Variants in BACH2 observed in about 807,000 individuals in gnomAD.
The protein encoded by BACH2 is BACH transcriptional regulator 2, also known as transcription regulator protein BACH2.
BACH2 carries 5 observed loss-of-function variants against 61.8 expected under a neutral mutation model. That is an observed-to-expected ratio of 0.08 (90% CI 0.04 to 0.17). The LOEUF (loss-of-function observed/expected upper bound fraction) is 0.17, where lower values mean the gene tolerates loss of function less well. Among genes scored for constraint, BACH2 ranks in the 10% least tolerant of loss-of-function variants. The probability of loss-of-function intolerance (pLI) is 1.00; values close to 1 mark genes in which losing one functional copy is unlikely to be tolerated. For synonymous variants in BACH2, 446 were observed against 440.1 expected, an observed-to-expected ratio of 1.01 and a Z score of -0.17; for missense variants, 824 against 1,091.1, an observed-to-expected ratio of 0.76 and a Z score of 3.45.
At chr6:90,179,968 C>T (rs75551848) in intron 4 of BACH2, among the ~76,000 whole-genome samples, 15,386 of 152,052 alleles carry the variant, frequency 0.1, 914 homozygotes, top group South Asian at 0.17. Context: ...AGTTACCCCA[C>T]TGGAATATTA....
At chr6:90,052,759 A>G (rs1562402681) in intron 5 of BACH2, among the ~76,000 whole-genome samples, 1 of 152,190 alleles carries the variant, frequency 6.6e-6, no homozygotes, top group Non-Finnish European at 1.5e-5. Flanking sequence ...AAAGCTACAT[A>G]GCTCCTTTTT....
rs536196405 is a variant in BACH2 at position 90,144,553 on chromosome 6, C to T, written c.-161-55444G>A. Reference sequence around the variant, plus strand: ...AAGGGAGATCCTGGCTGGGCCTGCCCGCATCTGAGGCAGGTTTCACTCCTC... The same window carrying T: ...AAGGGAGATCCTGGCTGGGCCTGCCTGCATCTGAGGCAGGTTTCACTCCTC... On this transcript the variant is annotated intron_variant, in intron 4 of 8. Coordinates refer to ENST00000257749, the MANE Select transcript of BACH2 (RefSeq NM_021813.4). Among the ~76,000 whole-genome samples the T allele has an allele frequency of 2.0e-5, 3 of 152,258 alleles. No individual in the cohort carries two copies. In the East Asian group the frequency reaches 5.8e-4, roughly 29 times the overall value.
chr6:90,062,811 A>G (rs1028575728), intron 5 of BACH2: 5 of 582,584 alleles, frequency 8.6e-6, no homozygotes, highest in African/African-American at 8.1e-5. Flanking sequence ...AAACTACTCA[A>G]ACAAAGTCTG....
chr6:89,995,065 A>G (rs1320333493), intron 6 of BACH2, among the ~76,000 whole-genome samples: 1 of 152,160 alleles, frequency 6.6e-6, no homozygotes, highest in African/African-American at 2.4e-5. Context: ...CCCACTCCAG[A>G]GTCCTTTATA....
In BACH2 at chr6:90,145,878, C is replaced by T. The variant is rs374881673; in HGVS notation, c.-161-56769G>A. ...GTGTAGAAGGCAGCTGGGGAGAAACCGGTAGAGGAAGACAATGTCCTTGTG... is the reference window on the plus strand; with the variant it reads ...GTGTAGAAGGCAGCTGGGGAGAAACTGGTAGAGGAAGACAATGTCCTTGTG... On this transcript the variant is annotated intron_variant, in intron 4 of 8. Coordinates refer to ENST00000257749, the MANE Select transcript of BACH2 (RefSeq NM_021813.4). 5.5e-4 allele frequency among the ~76,000 whole-genome samples: 84 copies of T among 152,228 alleles called. 2 individuals carry two copies. The highest frequency in any genetic ancestry group is 1.0e-3 in the Non-Finnish European group (68 of 68,018).
intron 4 of BACH2, among the ~76,000 whole-genome samples, chr6:90,103,029 A>ATATATATATTTTTTTTTTTT: frequency 4.7e-4 from 10 of 21,158 alleles, no homozygotes; most frequent in Admixed American, 1.8e-3. Context: ...ATATATATAT[A>ATATATATATTTTTTTTTTTT]TTTTTTTTTT....
chr6:90,008,942 A>C lies in BACH2; in HGVS notation c.-12-86T>G. On this transcript the variant is annotated intron_variant, in intron 5 of 8. Transcript: ENST00000257749. The surrounding 1 kb of genome is among the most constrained non-coding windows in gnomAD (Gnocchi z 4.1). Reference sequence around the variant, plus strand: ...GATCAGAGAGAGGAGGTGAGAAAGAACATCATGGTTCCTGTGTCCCACTGC... The same window carrying C: ...GATCAGAGAGAGGAGGTGAGAAAGACCATCATGGTTCCTGTGTCCCACTGC... The C allele has an allele frequency of 6.7e-7, 1 of 1,487,702 alleles. No individual in the cohort carries two copies. The highest frequency in any genetic ancestry group is 9.0e-7 in the Non-Finnish European group (1 of 1,108,422). 92.2% of individuals were successfully genotyped at this position (1,487,702 alleles called of 1,614,324 possible).
intron 3 of BACH2, among the ~76,000 whole-genome samples, chr6:90,251,960 GAAGA>G (rs1245793243): frequency 1.3e-5 from 2 of 152,188 alleles, no homozygotes; most frequent in Admixed American, 1.3e-4. Context: ...AAGACAGAAA[GAAGA>G]AAGGAAAGGA....
rs536200818 is a variant in BACH2 at position 90,070,183 on chromosome 6, C to T, written c.-13+18778G>A. 7.2e-5 allele frequency among the ~76,000 whole-genome samples: 11 copies of T among 152,246 alleles called. No homozygotes were observed. The East Asian group carries it at 1.5e-3, about 21-fold the overall frequency. On this transcript the variant is annotated intron_variant, in intron 5 of 8. Transcript: ENST00000257749. ...AGGAGCAGGGGTTCTGGACAAGCACCCACCTACGGACAGCACACTGCCATC... is the reference window on the plus strand; with the variant it reads ...AGGAGCAGGGGTTCTGGACAAGCACTCACCTACGGACAGCACACTGCCATC...
At chr6:90,269,668 G>T (rs1054355106) in intron 2 of BACH2, among the ~76,000 whole-genome samples, 1 of 152,020 alleles carries the variant, frequency 6.6e-6, no homozygotes, top group Non-Finnish European at 1.5e-5. Context: ...TTTTCATATC[G>T]GTTGGACTTT....
Position 89,950,260 on chromosome 6 carries a change from G to A in BACH2, c.1836+10C>T, listed in dbSNP as rs1773996827. 2 of 1,614,004 alleles carry A rather than the reference G, an allele frequency of 1.2e-6. No individual in the cohort carries two copies. Among genetic ancestry groups the A allele is most frequent in the African/African-American group, 1.3e-5 (1 of 74,970 alleles). On this transcript the variant is annotated intron_variant, in intron 7 of 8. Transcript: ENST00000257749. This position sits in a 1 kb window ranked among gnomAD's most constrained non-coding sequence, Gnocchi z 5.3. ...TGGGTCACATGCTTGAATTTATGTG[G>A]GTTCCCTACCTCCTGGCCCCTGTCC...
At chr6:90,295,963 G>A (rs1772352340) in intron 1 of BACH2, among the ~76,000 whole-genome samples, 5 of 152,192 alleles carry the variant, frequency 3.3e-5, no homozygotes, top group Middle Eastern at 3.4e-3. Flanking sequence ...TCCTCGCGGA[G>A]CAGCCCGGGA....
rs1772641420 is a variant in BACH2, at chr6:89,931,555, G to A, written c.*853C>T. On this transcript the variant is annotated 3_prime_UTR_variant, in exon 9 of 9. Coordinates refer to ENST00000257749, the MANE Select transcript of BACH2 (RefSeq NM_021813.4). ...GTTTGACCCAAAACTCAGTGCAAGT[G>A]GCAAAGTTGACCATTACTGTACAGT... 1 of 152,508 alleles carries A rather than the reference G, an allele frequency of 6.6e-6. No homozygotes were observed. The highest frequency in any genetic ancestry group is 6.6e-5 in the Admixed American group (1 of 15,266). 9.4% of individuals were successfully genotyped at this position (152,508 alleles called of 1,614,324 possible). A position where few individuals can be genotyped will look rare whatever the true frequency, so the allele number is the denominator to read the frequency against.
intron 4 of BACH2, among the ~76,000 whole-genome samples, chr6:90,121,277 G>T (rs1238818555): frequency 1.3e-5 from 2 of 152,094 alleles, no homozygotes; most frequent in African/African-American, 4.8e-5. Context: ...TTTAAAAAAT[G>T]ATTCACTGTT....
At chr6:90,137,815 C>T (rs1046378228) in intron 4 of BACH2, among the ~76,000 whole-genome samples, 2 of 152,120 alleles carry the variant, frequency 1.3e-5, no homozygotes, top group South Asian at 2.1e-4. Context: ...AAGGAGGACT[C>T]GATGCCCAGA....
chr6:90,090,589 T>C (rs1782120533), intron 4 of BACH2, among the ~76,000 whole-genome samples: 1 of 152,190 alleles, frequency 6.6e-6, no homozygotes, highest in African/African-American at 2.4e-5. Flanking sequence ...AGTGAACAGC[T>C]TGCTGTTTTT....
intron 1 of BACH2, among the ~76,000 whole-genome samples, chr6:90,274,492 T>C (rs1034323123): frequency 2.0e-5 from 3 of 152,072 alleles, no homozygotes; most frequent in Non-Finnish European, 4.4e-5. Context: ...CCGGTTGAAG[T>C]GCCACTCGGG....
intron 4 of BACH2, among the ~76,000 whole-genome samples, chr6:90,189,484 C>T (rs11966474): frequency 0.1 from 15,152 of 150,904 alleles, 899 homozygotes; most frequent in South Asian, 0.16. Flanking sequence ...GGCGGGCGCC[C>T]GTAGTCCCAG....
At chr6:90,151,325 C>T (rs1369440461) in intron 4 of BACH2, among the ~76,000 whole-genome samples, 1 of 152,144 alleles carries the variant, frequency 6.6e-6, no homozygotes, top group East Asian at 1.9e-4. Flanking sequence ...TGCTCTGTTG[C>T]CCAGGCTGGA....
Sources: gnomAD v4.1 joint callset for allele counts (sites outside exome capture counted in the v4.1 genomes callset) on GRCh38, gnomAD v4.1.1 for gene constraint, Gnocchi (gnomAD v3.1) non-coding constraint, MANE v1.5 for transcripts, NCBI Gene and HGNC (gene_info 2026-07-23, HGNC 2026-07-21) for gene names.